Variants in PRKAR1A observed in about 807,000 individuals in gnomAD.
PRKAR1A encodes the protein cAMP-dependent protein kinase type I-alpha regulatory subunit.
PRKAR1A carries 3 observed loss-of-function variants against 52.0 expected under a neutral mutation model. That is an observed-to-expected ratio of 0.06 (90% confidence interval 0.03 to 0.15). The LOEUF (loss-of-function observed/expected upper bound fraction) is 0.15. PRKAR1A is among the 10% of genes least tolerant of loss of function. PRKAR1A has a pLI of 1.00. For missense variants in PRKAR1A, 240 were observed against 477.4 expected (o/e 0.50, Z 4.63); for synonymous variants, 188 against 168.4 (o/e 1.12, Z -0.90).
chr17:68,537,521 C>T, downstream of PRKAR1A: 1 of 1,613,890 alleles, frequency 6.2e-7, no homozygotes, highest in Non-Finnish European at 8.5e-7. This position sits in a 1 kb window ranked among gnomAD's most constrained non-coding sequence, Gnocchi z 4.2. Context: ...GCCAACTGTT[C>T]CACTGGGCCG....
downstream of PRKAR1A, among the ~76,000 whole-genome samples, chr17:68,533,894 GTT>G (rs962625401): frequency 6.6e-6 from 1 of 152,038 alleles, no homozygotes; most frequent in Non-Finnish European, 1.5e-5. Flanking sequence ...CACCCAGCTA[GTT>G]TTTTGTATTT....
the PRKAR1A span, among the ~76,000 whole-genome samples, chr17:68,475,559 G>A: frequency 0.59 from 90,229 of 152,082 alleles, 27,119 homozygotes; most frequent in Non-Finnish European, 0.62. Flanking sequence ...CACCTTCTGG[G>A]TTCAAGCGAT....
At chr17:68,415,124 T>G in the PRKAR1A span, among the ~76,000 whole-genome samples, 1 of 152,198 alleles carries the variant, frequency 6.6e-6, no homozygotes, top group Non-Finnish European at 1.5e-5. Context: ...AGAATGTCAG[T>G]TTGTGCTCTT....
intron 11 of PRKAR1A, among the ~76,000 whole-genome samples, chr17:68,546,008 A>G (rs2086539035): frequency 1.3e-5 from 2 of 151,960 alleles, no homozygotes; most frequent in Non-Finnish European, 1.5e-5. Flanking sequence ...TCTCTACTAA[A>G]AATACAAAAA....
the PRKAR1A span, among the ~76,000 whole-genome samples, chr17:68,489,198 A>ATATATATATGGAAAG: frequency 3.1e-4 from 11 of 35,882 alleles, 2 homozygotes; most frequent in East Asian, 4.7e-3. Context: ...ATATATATAT[A>ATATATATATGGAAAG]TATATATATA....
At chr17:68,457,342 G>C in the PRKAR1A span, 1 of 1,546,052 alleles carries the variant, frequency 6.5e-7, no homozygotes, top group Admixed American at 2.0e-5. Context: ...CGCAGCTTAC[G>C]TGCAGTCCTG....
At position 68,526,890 on chromosome 17, in the gene PRKAR1A, C is replaced by CTAGG. The variant is rs1414399646; in HGVS notation, c.709-949_709-948insAGGT. 5.3e-5 allele frequency among the ~76,000 whole-genome samples: 8 copies of CTAGG among 152,286 alleles called. No individual in the cohort carries two copies. In the South Asian group the frequency reaches 1.5e-3, roughly 28 times the overall value. On this transcript the variant is annotated intron_variant, in intron 7 of 10. Transcript: ENST00000589228. ...GTGACACCCAGTTTACCTATATAAC[C>CTAGG]TGCACATGTACCCCTGAACCTTAAA... is the stretch of plus-strand genomic sequence containing the variant.
At chr17:68,542,667 G>T (rs372299359) in intron 11 of PRKAR1A, 3 of 1,565,194 alleles carry the variant, frequency 1.9e-6, no homozygotes. Context: ...ACTCAGACCC[G>T]GAATATCACT....
chr17:68,461,414 G>A, the PRKAR1A span, among the ~76,000 whole-genome samples: 4 of 152,210 alleles, frequency 2.6e-5, no homozygotes, highest in African/African-American at 9.6e-5. This position sits in a 1 kb window ranked among gnomAD's most constrained non-coding sequence, Gnocchi z 4.6. Flanking sequence ...ATGCTGATTA[G>A]GGCATGCACA....
intron 11 of PRKAR1A, among the ~76,000 whole-genome samples, chr17:68,549,660 C>T (rs1294341471): frequency 6.6e-6 from 1 of 152,108 alleles, no homozygotes; most frequent in Non-Finnish European, 1.5e-5. Flanking sequence ...CTTAGGTTGC[C>T]TCTCTCTAAC....
chr17:68,517,593 A>C (rs983425277), intron 2 of PRKAR1A, among the ~76,000 whole-genome samples: 1 of 151,960 alleles, frequency 6.6e-6, no homozygotes, highest in African/African-American at 2.4e-5. Flanking sequence ...CATGAGGGTA[A>C]CCCCCCTGCC....
intron 2 of PRKAR1A, among the ~76,000 whole-genome samples, chr17:68,520,743 A>G (rs2085579673): frequency 2.6e-5 from 4 of 152,222 alleles, no homozygotes; most frequent in African/African-American, 9.6e-5. Context: ...ACTAGAATCC[A>G]TGAGACACTG....
At chr17:68,522,991 C>CT (rs2085665479) in intron 3 of PRKAR1A, 65 bp downstream of exon 3, 1 of 1,570,986 alleles carries the variant, frequency 6.4e-7, no homozygotes, top group East Asian at 2.2e-5. Flanking sequence ...ATCTAGTCTC[C>CT]TTTGATGAAT....
chr17:68,543,667 CTG>C, intron 11 of PRKAR1A: 1 of 1,614,154 alleles, frequency 6.2e-7, no homozygotes, highest in Non-Finnish European at 8.5e-7. Context: ...CATTGTGTCT[CTG>C]AAAGTCAATG....
At chr17:68,444,060 T>C in the PRKAR1A span, among the ~76,000 whole-genome samples, 1 of 152,238 alleles carries the variant, frequency 6.6e-6, no homozygotes, top group Non-Finnish European at 1.5e-5. Context: ...ATAAAACATA[T>C]TCTTTATGGT....
the PRKAR1A span, among the ~76,000 whole-genome samples, chr17:68,457,711 C>T: frequency 6.6e-6 from 1 of 152,174 alleles, no homozygotes; most frequent in Non-Finnish European, 1.5e-5. Context: ...CGAGCCCAAG[C>T]CACGGCTGGC....
the PRKAR1A span, among the ~76,000 whole-genome samples, chr17:68,450,219 A>C: frequency 6.6e-6 from 1 of 152,222 alleles, no homozygotes; most frequent in African/African-American, 2.4e-5. Context: ...TGAGAACCCA[A>C]GGCTGAATAG....
the PRKAR1A span, among the ~76,000 whole-genome samples, chr17:68,475,194 TA>T: frequency 2.6e-5 from 4 of 152,198 alleles, no homozygotes; most frequent in African/African-American, 7.2e-5. Context: ...CTTAACCTAA[TA>T]AAAAAAATCT....
In PRKAR1A at chr17:68,548,529, C is replaced by CA. The variant is rs985971024; in HGVS notation, c.974-2544dup. Among the ~76,000 whole-genome samples, 1,030 of 140,382 alleles carry CA rather than the reference C, an allele frequency of 7.3e-3. 12 individuals are homozygous for CA. Among genetic ancestry groups the CA allele is most frequent in the African/African-American group, 0.025 (942 of 38,268 alleles). 92.1% of individuals were successfully genotyped at this position (140,382 alleles called of 152,430 possible). On this transcript the variant is annotated intron_variant, in intron 11 of 11. Transcript: ENST00000585981. ...TGGGCAACAGAGTGAGACTCTGTCT[C>CA]AAAAAAAAAAAGTTTGAAATATTGT...
Sources: gnomAD v4.1 joint callset for allele counts (sites outside exome capture counted in the v4.1 genomes callset) on GRCh38, gnomAD v4.1.1 for gene constraint, Gnocchi (gnomAD v3.1) non-coding constraint, MANE v1.5 for transcripts, NCBI Gene and HGNC (gene_info 2026-07-23, HGNC 2026-07-21) for gene names.